The following ACOT11 variants were observed in gnomAD, a reference collection of about 807,000 sequenced individuals.
The protein encoded by ACOT11 is acyl-coenzyme A thioesterase 11.
A neutral mutation model predicts 77.5 loss-of-function variants in ACOT11; 69 were observed. The ratio of observed to expected loss-of-function variants is 0.89; its 90% CI spans 0.73 to 1.09. The LOEUF is 1.09. Among genes scored for constraint, ACOT11 ranks in the 50% least tolerant of loss-of-function variants. The pLI, the probability that ACOT11 is intolerant of heterozygous loss-of-function variation, is 0.00. For missense variants in ACOT11, 766 were observed against 813.7 expected (o/e 0.94, Z 0.71); for synonymous variants, 279 against 313.0 (o/e 0.89, Z 1.15).
At chr1:54,616,604 C>T (rs1644176448) in intron 15 of ACOT11, among the ~76,000 whole-genome samples, 1 of 152,072 alleles carries the variant, frequency 6.6e-6, no homozygotes, top group Non-Finnish European at 1.5e-5. Flanking sequence ...AACTCCTGAC[C>T]TCAAGTGATC....
intron 6 of ACOT11, among the ~76,000 whole-genome samples, chr1:54,596,278 C>T (rs1012815125): frequency 3.3e-5 from 5 of 152,038 alleles, no homozygotes; most frequent in African/African-American, 7.3e-5. Context: ...CTGCCCCCAC[C>T]CTGTCTGTGG....
chr1:54,614,035 C>T (rs531206671), downstream of ACOT11, among the ~76,000 whole-genome samples: 9 of 152,300 alleles, frequency 5.9e-5, no homozygotes, highest in African/African-American at 2.2e-4. Flanking sequence ...AAGTCAAGTG[C>T]TTAAAACAGT....
chr1:54,594,106 G>A, intron 5 of ACOT11, 67 bp downstream of exon 5: 1 of 1,461,330 alleles, frequency 6.8e-7, no homozygotes. Context: ...GGCGAGTCTG[G>A]CTCAGGGGAA....
intron 6 of ACOT11, 46 bp downstream of exon 6, chr1:54,594,737 C>A: frequency 6.4e-7 from 1 of 1,574,304 alleles, no homozygotes; most frequent in Non-Finnish European, 8.6e-7. Flanking sequence ...TGGCGTCCTG[C>A]ATGGCCCCTC....
intron 15 of ACOT11, chr1:54,623,505 C>T (rs536370692): frequency 7.6e-6 from 6 of 792,328 alleles, no homozygotes; most frequent in South Asian, 4.6e-5. Flanking sequence ...ACCTAATTCT[C>T]CACCGGGCCT....
downstream of ACOT11, chr1:54,610,544 G>A (rs140941529): frequency 1.7e-4 from 273 of 1,612,024 alleles, 2 homozygotes; most frequent in Non-Finnish European, 2.1e-4. Context: ...ATTGGTTTCC[G>A]TGTGGCATTC....
At chr1:54,594,818 G>A in intron 6 of ACOT11, 127 bp downstream of exon 6, 2 of 1,324,214 alleles carry the variant, frequency 1.5e-6, no homozygotes, top group Non-Finnish European at 2.0e-6. Flanking sequence ...GTGGCCCTGG[G>A]CCTCTCCTAG....
chr1:54,609,632 G>C lies in ACOT11; in HGVS notation c.*520G>C. On this transcript the variant is annotated 3_prime_UTR_variant, in exon 16 of 16. Transcript: ENST00000343744. ...GTGGGGGAAGACCTCAGCCACAGCT[G>C]TAAGCAGCTCTCTGCCAGCCACATG... 1 of 1,613,792 alleles carries C rather than the reference G, an allele frequency of 6.2e-7. No individual in the cohort carries two copies. Among genetic ancestry groups the C allele is most frequent in the Non-Finnish European group, 8.5e-7 (1 of 1,180,032 alleles).
At chr1:54,563,452 T>C (rs1381174620) in intron 1 of ACOT11, among the ~76,000 whole-genome samples, 1 of 152,086 alleles carries the variant, frequency 6.6e-6, no homozygotes, top group Non-Finnish European at 1.5e-5. Context: ...CCTCACAGGG[T>C]TTTGGTGAGG....
At chr1:54,593,596 T>C (rs528642141) in intron 4 of ACOT11, among the ~76,000 whole-genome samples, 5 of 151,990 alleles carry the variant, frequency 3.3e-5, no homozygotes, top group African/African-American at 1.2e-4. Flanking sequence ...GCCTGGCCTA[T>C]CCTTTAAATT....
intron 1 of ACOT11, among the ~76,000 whole-genome samples, chr1:54,559,600 T>C (rs1653395468): frequency 6.6e-6 from 1 of 152,114 alleles, no homozygotes; most frequent in African/African-American, 2.4e-5. Flanking sequence ...TTTCTTTTTT[T>C]TTTTTTCCAT....
At chr1:54,596,567 G>A (rs772735507) in intron 6 of ACOT11, among the ~76,000 whole-genome samples, 37 of 152,256 alleles carry the variant, frequency 2.4e-4, no homozygotes, top group Non-Finnish European at 4.3e-4. Flanking sequence ...CTGGAGTCAA[G>A]TACTTTGTGA....
chr1:54,624,681 C>T (rs556149016), intron 15 of ACOT11, among the ~76,000 whole-genome samples: 39 of 152,052 alleles, frequency 2.6e-4, no homozygotes, highest in Admixed American at 1.6e-3. Context: ...GAGTGGTCAG[C>T]CAGGCTGGGA....
chr1:54,619,233 C>T (rs898422142), intron 15 of ACOT11, among the ~76,000 whole-genome samples: 1 of 152,212 alleles, frequency 6.6e-6, no homozygotes, highest in African/African-American at 2.4e-5. Flanking sequence ...TTAAAGTTCA[C>T]TAGCATGTTC....
In ACOT11 at chr1:54,610,232, T is replaced by G; in HGVS notation, c.*1120T>G. The G allele has an allele frequency of 6.9e-7, 1 of 1,441,838 alleles. No individual in the cohort carries two copies. The highest frequency in any genetic ancestry group is 9.1e-7 in the Non-Finnish European group (1 of 1,103,596). The allele number at this position is 1,441,838 out of a possible 1,614,324, so 89.3% of individuals were successfully genotyped here. On this transcript the variant is annotated 3_prime_UTR_variant, in exon 16 of 16. Transcript: ENST00000343744. ...GGACTGGTCTGAAGGCCAGGAGCCC[T>G]GTGCTCTTGACATCACTGTACTCCC... is the stretch of plus-strand genomic sequence containing the variant.
At chr1:54,592,525 C>T (rs1399097748) in intron 3 of ACOT11, 21 bp from the exon 4 acceptor site, 1 of 1,608,638 alleles carries the variant, frequency 6.2e-7, no homozygotes, top group Non-Finnish European at 8.5e-7. Flanking sequence ...GAAGGCTCAC[C>T]TCCTACTTTC....
intron 1 of ACOT11, among the ~76,000 whole-genome samples, chr1:54,569,858 C>T (rs1340229242): frequency 6.6e-6 from 1 of 152,176 alleles, no homozygotes; most frequent in African/African-American, 2.4e-5. Context: ...TTATGTGTTA[C>T]AACCTTTCAA....
chr1:54,559,900 CCTGGCTGAGCCAAGGAACTGACACCT>C (rs1653404136), intron 1 of ACOT11, among the ~76,000 whole-genome samples: 2 of 152,212 alleles, frequency 1.3e-5, no homozygotes, highest in Admixed American at 1.3e-4. Flanking sequence ...CCTGGGCTGA[CCTGGCTGAGCCAAGGAACTGACACCT>C]CTGCCTTATG....
Position 54,605,059 on chromosome 1 carries a change from C to G in ACOT11, c.1237-17C>G. Reference sequence around the variant, plus strand: ...CTCCACCACCCAGCAAATGAGGCTGCCCTCTATCCCATGCAGGTCCGCCTG... The same window carrying G: ...CTCCACCACCCAGCAAATGAGGCTGGCCTCTATCCCATGCAGGTCCGCCTG... On this transcript the variant is annotated splice_polypyrimidine_tract_variant and intron_variant, in intron 12 of 15. Transcript: ENST00000343744. The G allele has an allele frequency of 6.2e-7, 1 of 1,605,708 alleles. No homozygotes were observed. The highest frequency in any genetic ancestry group is 8.5e-7 in the Non-Finnish European group (1 of 1,175,770).
Sources: gnomAD v4.1 joint callset for allele counts (sites outside exome capture counted in the v4.1 genomes callset) on GRCh38, gnomAD v4.1.1 for gene constraint, MANE v1.5 for transcripts, NCBI Gene and HGNC (gene_info 2026-07-23, HGNC 2026-07-21) for gene names.